Variants in TGFBR1 observed in about 807,000 individuals in gnomAD.
The protein encoded by TGFBR1 is transforming growth factor beta receptor 1.
A neutral mutation model predicts 55.1 loss-of-function variants in TGFBR1; 20 were observed. The observed-to-expected ratio is 0.36, with a 90% CI of 0.26 to 0.53. The LOEUF (loss-of-function observed/expected upper bound fraction) is 0.53, where lower values mean the gene tolerates loss of function less well. Ranked by LOEUF, TGFBR1 falls within the 20% of genes least tolerant of loss-of-function variation. The probability of loss-of-function intolerance (pLI) is 0.91; values close to 1 mark genes in which losing one functional copy is unlikely to be tolerated. For missense variants in TGFBR1, 385 were observed against 617.6 expected, an observed-to-expected ratio of 0.62 and a Z score of 3.99; for synonymous variants, 220 against 214.8, an observed-to-expected ratio of 1.02 and a Z score of -0.21.
chr9:99,142,407 A>G, intron 4 of TGFBR1, 129 bp from the exon 5 acceptor site: 1 of 972,918 alleles, frequency 1.0e-6, no homozygotes, highest in South Asian at 1.4e-5. Flanking sequence ...AATGTGAAGG[A>G]AATACAGACT....
chr9:99,116,830 C>T (rs147428483), intron 1 of TGFBR1, among the ~76,000 whole-genome samples: 198 of 152,302 alleles, frequency 1.3e-3, no homozygotes, highest in African/African-American at 4.6e-3. Flanking sequence ...TTTTCATATA[C>T]ACATAGTTTA....
At chr9:99,107,891 C>T (rs1447449649) in intron 1 of TGFBR1, among the ~76,000 whole-genome samples, 1 of 152,202 alleles carries the variant, frequency 6.6e-6, no homozygotes, top group Non-Finnish European at 1.5e-5. Flanking sequence ...GCGAGAAGTT[C>T]TCAGCCCTGA....
Position 99,151,987 on chromosome 9 carries a change from A to C in TGFBR1, c.*2682A>C, listed in dbSNP as rs1356573528. On this transcript the variant is annotated 3_prime_UTR_variant, in exon 9 of 9. Coordinates refer to ENST00000374994, the MANE Select transcript of TGFBR1 (RefSeq NM_004612.4). ...TATTCATTTTGTCAGTAGCCAGGAG[A>C]AATGGGGATGGGGGAAATACGACTT... 1.5e-5 allele frequency: 3 copies of C among 197,298 alleles called. No homozygotes were observed. Among genetic ancestry groups the C allele is most frequent in the African/African-American group, 6.9e-5 (3 of 43,266 alleles). 12.2% of individuals were successfully genotyped at this position (197,298 alleles called of 1,614,324 possible).
At chr9:99,115,907 A>C (rs558136179) in intron 1 of TGFBR1, among the ~76,000 whole-genome samples, 1 of 152,314 alleles carries the variant, frequency 6.6e-6, no homozygotes, top group East Asian at 1.9e-4. Flanking sequence ...ATCAGGGGCC[A>C]GAGTCTGGTC....
At chr9:99,123,403 CAG>C (rs1826950175) in intron 1 of TGFBR1, among the ~76,000 whole-genome samples, 1 of 152,032 alleles carries the variant, frequency 6.6e-6, no homozygotes, top group South Asian at 2.1e-4. Context: ...AGGTCCTAAA[CAG>C]GGGATTTGGT....
At chr9:99,120,422 G>C (rs1257259796) in intron 1 of TGFBR1, among the ~76,000 whole-genome samples, 1 of 152,196 alleles carries the variant, frequency 6.6e-6, no homozygotes, top group East Asian at 1.9e-4. Context: ...GTAAGGCAAA[G>C]TGTGCACATC....
rs1428524065 is a variant in TGFBR1, at chr9:99,153,855, C to T, written c.*4550C>T. 1 of 211,836 alleles carries T rather than the reference C, an allele frequency of 4.7e-6. No homozygotes were observed. Among genetic ancestry groups the T allele is most frequent in the African/African-American group, 2.3e-5 (1 of 44,130 alleles). 13.1% of individuals were successfully genotyped at this position (211,836 alleles called of 1,614,324 possible). On this transcript the variant is annotated 3_prime_UTR_variant, in exon 9 of 9. Transcript: ENST00000374994. ...TGTCTCTGTGCCTGGGGGCTTTTCTCCACATGCTTAGGGGTGTGGGTCTTC... is the reference window on the plus strand; with the variant it reads ...TGTCTCTGTGCCTGGGGGCTTTTCTTCACATGCTTAGGGGTGTGGGTCTTC...
chr9:99,134,799 CCA>C (rs1359630131), intron 3 of TGFBR1, among the ~76,000 whole-genome samples: 27 of 69,742 alleles, frequency 3.9e-4, no homozygotes, highest in African/African-American at 1.3e-3. Flanking sequence ...AATTCTGTTT[CCA>C]TTATATATAT....
At chr9:99,149,133 T>A (rs1827894298) in intron 8 of TGFBR1, 47 bp from the exon 9 acceptor site, 1 of 1,548,416 alleles carries the variant, frequency 6.5e-7, no homozygotes, top group East Asian at 2.4e-5. Flanking sequence ...TCCAGACCAA[T>A]GGAAAATGGT....
At chr9:99,127,651 G>C in intron 1 of TGFBR1, 1 of 303,570 alleles carries the variant, frequency 3.3e-6, no homozygotes, top group East Asian at 1.0e-4. Flanking sequence ...CAGGGAGTTA[G>C]CTCTGTCTAT....
Position 99,143,288 on chromosome 9 carries a change from G to A in TGFBR1, c.973+585G>A, listed in dbSNP as rs190973341. Among the ~76,000 whole-genome samples the A allele has an allele frequency of 3.4e-3, 511 of 152,222 alleles. 3 individuals carry two copies. Among genetic ancestry groups the A allele is most frequent in the Non-Finnish European group, 5.7e-3 (391 of 68,016 alleles). ...TTGAGGATCTCAGTTTCAGAATTCA[G>A]GTCCAACTGAATATATTTTTATGTG... On this transcript the variant is annotated intron_variant, in intron 5 of 8. Transcript: ENST00000374994.
Position 99,144,821 on chromosome 9 carries a change from G to T in TGFBR1, c.1063G>T (p.Ala355Ser). ...GTCCIADLGL[A>S]VRHDSATDTI... The stretch of plus-strand genomic sequence containing the variant: ...TTGCTGTATTGCAGACTTAGGACTG[G>T]CAGTAAGACATGATTCAGCCACAGA... Residue 355 changes from alanine to serine, a missense_variant, in exon 6 of 9, where the codon GCA (alanine) becomes TCA (serine). Physicochemically the swap from Ala to Ser is moderately conservative, Grantham distance 99. Transcript: ENST00000374994. 1.2e-6 allele frequency: 2 copies of T among 1,613,996 alleles called. No homozygotes were observed. Among genetic ancestry groups the T allele is most frequent in the Non-Finnish European group, 1.7e-6 (2 of 1,179,934 alleles).
chr9:99,141,098 A>G (rs1827603034), intron 4 of TGFBR1, among the ~76,000 whole-genome samples: 2 of 151,932 alleles, frequency 1.3e-5, no homozygotes, highest in Non-Finnish European at 1.5e-5. Flanking sequence ...CCTTCCTTCT[A>G]TCTTGTCCAT....
At chr9:99,125,582 T>A (rs1466987878) in intron 1 of TGFBR1, among the ~76,000 whole-genome samples, 1 of 152,208 alleles carries the variant, frequency 6.6e-6, no homozygotes, top group Non-Finnish European at 1.5e-5. Flanking sequence ...TATGGTCGAT[T>A]CAAATTCCCT....
At chr9:99,129,402 T>A (rs940741392) in intron 2 of TGFBR1, among the ~76,000 whole-genome samples, 3 of 152,234 alleles carry the variant, frequency 2.0e-5, no homozygotes, top group African/African-American at 7.2e-5. Context: ...CTCTACTTTG[T>A]TCTCAGAGTG....
chr9:99,111,295 C>CTTTTT lies in TGFBR1; in HGVS notation c.97+6019_97+6023dup, dbSNP rs3034196. Among the ~76,000 whole-genome samples, 329 of 55,146 alleles carry CTTTTT rather than the reference C, an allele frequency of 6.0e-3. 45 individuals carry two copies. Among genetic ancestry groups the CTTTTT allele is most frequent in the African/African-American group, 0.016 (213 of 13,034 alleles). 36.2% of individuals were successfully genotyped at this position (55,146 alleles called of 152,430 possible). Reference sequence around the variant, plus strand: ...ACATTTGGCATATCCTGCACCCATGCTTTTTTTTTTTTTTTTTTTTTTTTT... The same window carrying CTTTTT: ...ACATTTGGCATATCCTGCACCCATGCTTTTTTTTTTTTTTTTTTTTTTTTTTTTTT... On this transcript the variant is annotated intron_variant, in intron 1 of 8. Transcript: ENST00000374994.
At chr9:99,126,010 A>T (rs1363668595) in intron 1 of TGFBR1, among the ~76,000 whole-genome samples, 1 of 152,216 alleles carries the variant, frequency 6.6e-6, no homozygotes, top group African/African-American at 2.4e-5. Context: ...TGCAAAGAGC[A>T]CTATGGAACA....
Position 99,105,241 on chromosome 9 carries a change from G to T in TGFBR1, c.36G>T (p.Leu12=). 9.3e-7 allele frequency: 1 copy of T among 1,070,914 alleles called. No homozygotes were observed. The highest frequency in any genetic ancestry group is 1.1e-6 in the Non-Finnish European group (1 of 888,824). The allele number at this position is 1,070,914 out of a possible 1,614,324, so 66.3% of individuals were successfully genotyped here. Residue 12 remains leucine (L), a synonymous_variant, in exon 1 of 9, where the codon CTG becomes CTT. Coordinates refer to ENST00000374994, the MANE Select transcript of TGFBR1 (RefSeq NM_004612.4). The part of the protein sequence containing the change: ...EAAVAAPRPR[L]LLLVLAAAAA... Reference sequence around the variant, plus strand: ...CGGTCGCTGCTCCGCGTCCCCGGCTGCTCCTCCTCGTGCTGGCGGCGGCGG... The same window carrying T: ...CGGTCGCTGCTCCGCGTCCCCGGCTTCTCCTCCTCGTGCTGGCGGCGGCGG...
chr9:99,135,052 G>T (rs1827390649), intron 3 of TGFBR1, among the ~76,000 whole-genome samples: 1 of 151,876 alleles, frequency 6.6e-6, no homozygotes, highest in Admixed American at 6.6e-5. Context: ...ATTGTTGTGA[G>T]TTCAAGCAAG....
Sources: gnomAD v4.1 joint callset for allele counts (sites outside exome capture counted in the v4.1 genomes callset) on GRCh38, gnomAD v4.1.1 for gene constraint, MANE v1.5 for transcripts, NCBI Gene and HGNC (gene_info 2026-07-23, HGNC 2026-07-21) for gene names.